The following ALAD variants were observed in gnomAD, a reference collection of about 807,000 sequenced individuals.
ALAD encodes delta-aminolevulinic acid dehydratase.
In ALAD, 20 loss-of-function variants were observed where a neutral mutation model predicts 44.4. The ratio of observed to expected loss-of-function variants is 0.45; its 90% CI spans 0.32 to 0.65. The LOEUF is 0.65. ALAD is among the 30% of genes least tolerant of loss of function. The pLI, the probability that ALAD is intolerant of heterozygous loss-of-function variation, is 0.05. For missense variants in ALAD, 323 were observed against 445.7 expected (o/e 0.72, Z 2.48); for synonymous variants, 156 against 167.9 (o/e 0.93, Z 0.55).
At position 113,389,411 on chromosome 9, in the gene ALAD, C is replaced by T. The variant is rs762814490; in HGVS notation, c.801+27G>A. On this transcript the variant is annotated intron_variant, in intron 10 of 11. Transcript: ENST00000409155. ...GAAAACTCTGTCCCAGCCCCCTGAGCCCCCTTTGCCTCGTACCTGTGCTCA... is the reference window on the plus strand; with the variant it reads ...GAAAACTCTGTCCCAGCCCCCTGAGTCCCCTTTGCCTCGTACCTGTGCTCA... 2.6e-5 allele frequency: 42 copies of T among 1,611,246 alleles called. No individual in the cohort carries two copies. The South Asian group carries it at 3.0e-4, about 11-fold the overall frequency.
intron 11 of ALAD, 98 bp from the exon 12 acceptor site, chr9:113,388,459 A>T: frequency 8.9e-7 from 1 of 1,126,100 alleles, no homozygotes; most frequent in Non-Finnish European, 1.4e-6. Context: ...GAAGGCTACC[A>T]TGAAGAAGCA....
At chr9:113,391,968 C>G in intron 3 of ALAD, 151 bp downstream of exon 3, 1 of 832,696 alleles carries the variant, frequency 1.2e-6, no homozygotes, top group Non-Finnish European at 2.0e-6. Flanking sequence ...TGTGGAACAG[C>G]TCTGGCCCCG....
At chr9:113,396,545 A>T (rs1827733520) in intron 1 of ALAD, 1 of 152,862 alleles carries the variant, frequency 6.5e-6, no homozygotes, top group African/African-American at 2.4e-5. Context: ...TGTTTTGAGG[A>T]GCTGAGGCAA....
At chr9:113,395,981 G>A (rs1241776152) in intron 1 of ALAD, among the ~76,000 whole-genome samples, 2 of 152,128 alleles carry the variant, frequency 1.3e-5, no homozygotes, top group Non-Finnish European at 1.5e-5. Flanking sequence ...ATCACTTGAG[G>A]TCAGGAGTTT....
chr9:113,395,982 T>C (rs1182449341), intron 1 of ALAD, among the ~76,000 whole-genome samples: 1 of 151,980 alleles, frequency 6.6e-6, no homozygotes. Flanking sequence ...TCACTTGAGG[T>C]CAGGAGTTTG....
chr9:113,390,926 C>T lies in ALAD; in HGVS notation c.269G>A (p.Arg90Gln), dbSNP rs370504714. The T allele has an allele frequency of 1.9e-5, 30 of 1,614,056 alleles. No homozygotes were observed. The highest frequency in any genetic ancestry group is 1.7e-4 in the African/African-American group (13 of 75,040). ...CTCCTCGGAGTCAGCTGCGGAACCC[C>T]GCTCGTCCTAGGGGCAGGGGAGGGA... The part of the protein sequence containing the change: ...GVPSRVPKDE[R>Q]GSAADSEESP... Residue 90 changes from arginine to glutamine, a missense_variant, in exon 5 of 12, where the codon CGG becomes CAG. By Grantham distance (43) the Arg-to-Gln change is conservative. Coordinates refer to ENST00000409155, the MANE Select transcript of ALAD (RefSeq NM_000031.6).
chr9:113,386,512 A>G lies in ALAD; in HGVS notation c.*1788T>C, dbSNP rs796105870. On this transcript the variant is annotated 3_prime_UTR_variant, in exon 12 of 12. Transcript: ENST00000409155. ...CTTATGATCATATTTTCAACTTATGATCATATTTTCAACTTATGATGGGTT... is the reference window on the plus strand; with the variant it reads ...CTTATGATCATATTTTCAACTTATGGTCATATTTTCAACTTATGATGGGTT... The G allele has an allele frequency of 1.3e-5, 2 of 152,280 alleles. No individual in the cohort carries two copies. The highest frequency in any genetic ancestry group is 4.8e-5 in the African/African-American group (2 of 41,556). 9.4% of individuals were successfully genotyped at this position (152,280 alleles called of 1,614,324 possible).
In ALAD at chr9:113,389,778, A is replaced by G. The variant is rs375646177; in HGVS notation, c.621T>C (p.Pro207=). ...SAKFASCFYG[P]FRDAAKSSPA... ...CCCTGCCCACCCCTGCTCACCGGAAAGGGCCATAGAAACAGGAAGCAAATT... is the reference window on the plus strand; with the variant it reads ...CCCTGCCCACCCCTGCTCACCGGAAGGGGCCATAGAAACAGGAAGCAAATT... The change falls in exon 8 of 12, where the codon CCT becomes CCC. Residue 207 remains proline (P), a synonymous_variant. Transcript: ENST00000409155. 6.2e-7 allele frequency: 1 copy of G among 1,614,160 alleles called. No individual in the cohort carries two copies. The highest frequency in any genetic ancestry group is 8.5e-7 in the Non-Finnish European group (1 of 1,180,056).
At chr9:113,400,757 G>A (rs1023802745) in intron 1 of ALAD, among the ~76,000 whole-genome samples, 2 of 152,210 alleles carry the variant, frequency 1.3e-5, no homozygotes, top group African/African-American at 2.4e-5. Context: ...GGGAGGCGGA[G>A]GTTGCAGTGA....
intron 10 of ALAD, 122 bp downstream of exon 10, chr9:113,389,316 C>T: frequency 7.4e-7 from 1 of 1,344,802 alleles, no homozygotes; most frequent in East Asian, 2.4e-5. Flanking sequence ...GGTTCCTGGG[C>T]AGGGAAGGGG....
At chr9:113,392,449 G>C (rs1827617356) in intron 2 of ALAD, 1 of 825,812 alleles carries the variant, frequency 1.2e-6, no homozygotes, top group Non-Finnish European at 1.7e-6. Flanking sequence ...TCTGAATTTG[G>C]CAGGTCCTTG....
intron 1 of ALAD, chr9:113,397,948 G>C (rs969787812): frequency 6.6e-6 from 1 of 152,186 alleles, no homozygotes; most frequent in African/African-American, 2.4e-5. Flanking sequence ...TGCATATTGA[G>C]AGAATTACCA....
chr9:113,389,724 G>A (rs1258465587), intron 8 of ALAD, 38 bp from the exon 9 acceptor site: 1 of 1,614,038 alleles, frequency 6.2e-7, no homozygotes, highest in Non-Finnish European at 8.5e-7. Context: ...TCCAGCTTTG[G>A]GCCAAAGGGC....
intron 11 of ALAD, 41 bp from the exon 12 acceptor site, chr9:113,388,402 G>C (rs1451796073): frequency 1.3e-6 from 2 of 1,587,934 alleles, no homozygotes; most frequent in South Asian, 2.2e-5. Context: ...GGGGGACGCT[G>C]ATCAGCTCTG....
At chr9:113,391,660 G>A (rs771915829) in intron 3 of ALAD, 37 bp from the exon 4 acceptor site, 13 of 1,558,842 alleles carry the variant, frequency 8.3e-6, no homozygotes, top group Middle Eastern at 1.7e-4. Flanking sequence ...AAGGAAGGCA[G>A]GTCCCAGGCA....
chr9:113,398,594 C>T (rs986884669), intron 1 of ALAD, among the ~76,000 whole-genome samples: 4 of 152,174 alleles, frequency 2.6e-5, no homozygotes, highest in Admixed American at 6.6e-5. Context: ...ATTTGAGAAA[C>T]GGCTGTCAGT....
In ALAD at chr9:113,393,447, G is replaced by A. The variant is rs371983646; in HGVS notation, c.113C>T (p.Thr38Met). 1.1e-5 allele frequency: 18 copies of A among 1,583,364 alleles called. No homozygotes were observed. Among genetic ancestry groups the A allele is most frequent in the South Asian group, 2.2e-5 (2 of 90,900 alleles). ...ASNLIYPIFV[T>M]DVPDDIQPIT... Reference sequence around the variant, plus strand: ...GCCTGGCCCATTCTTGGAGACTCACGTGACAAAGATGGGGTAGATGAGGTT... The same window carrying A: ...GCCTGGCCCATTCTTGGAGACTCACATGACAAAGATGGGGTAGATGAGGTT... Residue 38 changes from threonine to methionine, a missense_variant and splice_region_variant, in exon 2 of 12, where the codon ACG (threonine) becomes ATG (methionine). Thr to Met is a moderately conservative substitution (Grantham distance 81). Coordinates refer to ENST00000409155, the MANE Select transcript of ALAD (RefSeq NM_000031.6).
intron 1 of ALAD, among the ~76,000 whole-genome samples, chr9:113,400,760 T>C (rs1427699994): frequency 6.6e-6 from 1 of 152,090 alleles, no homozygotes; most frequent in Non-Finnish European, 1.5e-5. Context: ...AGGCGGAGGT[T>C]GCAGTGAGCT....
At position 113,388,024 on chromosome 9, in the gene ALAD, C is replaced by T. The variant is rs1159586279; in HGVS notation, c.*276G>A. 6.1e-6 allele frequency: 3 copies of T among 489,776 alleles called. No individual in the cohort carries two copies. Among genetic ancestry groups the T allele is most frequent in the Middle Eastern group, 5.8e-4 (1 of 1,718 alleles). The allele number at this position is 489,776 out of a possible 1,614,324, so 30.3% of individuals were successfully genotyped here. The stretch of plus-strand genomic sequence containing the variant: ...CTCCAGGTTGCTTTCAAGCTGAAGC[C>T]ACACCAGAGGAAAGAGCTGAGGGTG... On this transcript the variant is annotated 3_prime_UTR_variant, in exon 12 of 12. Transcript: ENST00000409155.
Sources: gnomAD v4.1 joint callset for allele counts (sites outside exome capture counted in the v4.1 genomes callset) on GRCh38, gnomAD v4.1.1 for gene constraint, MANE v1.5 for transcripts, NCBI Gene and HGNC (gene_info 2026-07-23, HGNC 2026-07-21) for gene names.